NFATC1: variants seen among roughly 807,000 people sequenced by gnomAD.
NFATC1 encodes the protein nuclear factor of activated T-cells, cytoplasmic 1.
A neutral mutation model predicts 76.0 loss-of-function variants in NFATC1; 22 were observed. The ratio of observed to expected loss-of-function variants is 0.29; its 90% CI spans 0.21 to 0.41. The LOEUF (loss-of-function observed/expected upper bound fraction) is 0.41, where lower values mean the gene tolerates loss of function less well. NFATC1 is among the 10% of genes least tolerant of loss of function. The pLI is 1.00. For missense variants in NFATC1, 1,357 were observed against 1,337.7 expected (o/e 1.01, Z -0.23); for synonymous variants, 704 against 613.1 (o/e 1.15, Z -2.19).
intron 1 of NFATC1, among the ~76,000 whole-genome samples, chr18:79,403,743 C>T (rs2085343388): frequency 6.6e-6 from 1 of 152,260 alleles, no homozygotes; most frequent in South Asian, 2.1e-4. Context: ...AAGGCAACAT[C>T]TTATGCAGAA....
chr18:79,524,408 G>T lies in NFATC1; in HGVS notation c.2783-3120G>T, dbSNP rs535023093. 3.9e-5 allele frequency among the ~76,000 whole-genome samples: 6 copies of T among 152,340 alleles called. No individual in the cohort carries two copies. In the South Asian group the frequency reaches 6.2e-4, roughly 16 times the overall value. On this transcript the variant is annotated intron_variant, in intron 9 of 9. Transcript: ENST00000427363. This position sits in a 1 kb window ranked among gnomAD's most constrained non-coding sequence, Gnocchi z 7.2. ...TTCGGTTGCTGTGCTGTCCTCTGCT[G>T]AGTGGTGTCAGGGTTGTCCATCCCG...
chr18:79,434,969 G>A (rs1357255403), intron 3 of NFATC1, among the ~76,000 whole-genome samples: 1 of 152,216 alleles, frequency 6.6e-6, no homozygotes, highest in Non-Finnish European at 1.5e-5. Flanking sequence ...TGGCCCGTTT[G>A]ACATTTAAAG....
intron 7 of NFATC1, among the ~76,000 whole-genome samples, chr18:79,466,368 G>A (rs754505): frequency 0.058 from 8,898 of 152,220 alleles, 325 homozygotes; most frequent in South Asian, 0.13. Context: ...TGCGACTCCC[G>A]CCAACCCTCT....
chr18:79,434,411 G>A (rs2086701917), intron 3 of NFATC1, among the ~76,000 whole-genome samples: 1 of 152,240 alleles, frequency 6.6e-6, no homozygotes, highest in African/African-American at 2.4e-5. Flanking sequence ...CGCCAGGGAC[G>A]GGCAGCGTCT....
At chr18:79,433,838 C>G in intron 3 of NFATC1, 100 bp downstream of exon 3, 1 of 1,424,492 alleles carries the variant, frequency 7.0e-7, no homozygotes, top group Non-Finnish European at 9.4e-7. Context: ...CCCAGCCAGG[C>G]CAGCTGAATG....
intron 9 of NFATC1, among the ~76,000 whole-genome samples, chr18:79,512,539 G>A (rs1188055497): frequency 6.6e-6 from 1 of 152,236 alleles, no homozygotes; most frequent in African/African-American, 2.4e-5. Context: ...CTTGGCAGTT[G>A]TGCGGCTGTG....
intron 8 of NFATC1, among the ~76,000 whole-genome samples, chr18:79,482,822 C>T (rs1411930260): frequency 1.5e-5 from 2 of 134,664 alleles, no homozygotes; most frequent in Non-Finnish European, 1.6e-5. Flanking sequence ...TGACCTGGTC[C>T]GGGGGTGTAA....
At chr18:79,487,537 C>T (rs1032403397) in intron 9 of NFATC1, among the ~76,000 whole-genome samples, 1 of 152,196 alleles carries the variant, frequency 6.6e-6, no homozygotes, top group Non-Finnish European at 1.5e-5. Context: ...GCTCGCACAG[C>T]GCGGAGATGC....
intron 8 of NFATC1, among the ~76,000 whole-genome samples, chr18:79,477,207 G>A (rs2145001049): frequency 6.6e-6 from 1 of 152,324 alleles, no homozygotes; most frequent in East Asian, 1.9e-4. Flanking sequence ...TGTTTATGTT[G>A]ATGGCAAAAC....
At chr18:79,487,726 G>A (rs908107473) in intron 9 of NFATC1, among the ~76,000 whole-genome samples, 3 of 152,244 alleles carry the variant, frequency 2.0e-5, no homozygotes, top group African/African-American at 7.2e-5. Context: ...GCTTGCAGTC[G>A]CGCTGTGATC....
At chr18:79,418,399 G>A (rs948822489) in intron 2 of NFATC1, among the ~76,000 whole-genome samples, 7 of 152,184 alleles carry the variant, frequency 4.6e-5, no homozygotes, top group African/African-American at 1.4e-4. Flanking sequence ...AGACTCCACC[G>A]GTGCTGGGAC....
At chr18:79,447,654 G>A (rs1488741067) in intron 3 of NFATC1, among the ~76,000 whole-genome samples, 1 of 152,210 alleles carries the variant, frequency 6.6e-6, no homozygotes, top group Non-Finnish European at 1.5e-5. Context: ...GGGGCCCTGT[G>A]GGAGGCCCCA....
At chr18:79,470,459 C>T (rs1038615944) in intron 8 of NFATC1, 6 of 152,384 alleles carry the variant, frequency 3.9e-5, no homozygotes, top group African/African-American at 1.2e-4. Flanking sequence ...AACCCACTTA[C>T]ACTCCAGCTG....
At chr18:79,458,680 C>T (rs915788182) in intron 6 of NFATC1, among the ~76,000 whole-genome samples, 8 of 152,238 alleles carry the variant, frequency 5.3e-5, no homozygotes, top group Non-Finnish European at 1.2e-4. Flanking sequence ...ACACAAAGGC[C>T]CTTTCAGGAC....
rs1600621514 is a variant in NFATC1, at chr18:79,411,103, C to G, written c.828C>G (p.Pro276=). The G allele has an allele frequency of 1.9e-6, 3 of 1,612,332 alleles. No individual in the cohort carries two copies. The East Asian group carries it at 6.7e-5, about 36-fold the overall frequency. ...ACAGCCTCAACGGCCGGCAGCCGCCCTACTCACCCCACCACTCGCCCACGC... is the reference window on the plus strand; with the variant it reads ...ACAGCCTCAACGGCCGGCAGCCGCCGTACTCACCCCACCACTCGCCCACGC... ...RKYSLNGRQP[P]YSPHHSPTPS... is the part of the protein sequence containing the mutation. The change falls in exon 2 of 10, where the codon CCC becomes CCG. Residue 276 remains proline, a synonymous_variant. Transcript: ENST00000427363.
At chr18:79,445,689 C>G (rs1201066565) in intron 3 of NFATC1, among the ~76,000 whole-genome samples, 2 of 152,240 alleles carry the variant, frequency 1.3e-5, no homozygotes, top group African/African-American at 4.8e-5. Context: ...CTCGTAGGCC[C>G]TAAATGGATA....
chr18:79,407,040 G>A (rs2085467277), intron 1 of NFATC1, among the ~76,000 whole-genome samples: 1 of 152,248 alleles, frequency 6.6e-6, no homozygotes, highest in Non-Finnish European at 1.5e-5. Context: ...GTGACGCCCA[G>A]GCGGAGCTCT....
chr18:79,499,731 GA>G (rs58061636), intron 9 of NFATC1, among the ~76,000 whole-genome samples: 58 of 152,174 alleles, frequency 3.8e-4, no homozygotes, highest in African/African-American at 1.4e-3. Context: ...GGAGATAATG[GA>G]AAAAATACAT....
intron 1 of NFATC1, among the ~76,000 whole-genome samples, chr18:79,400,093 C>T (rs2085137051): frequency 6.6e-6 from 1 of 151,410 alleles, no homozygotes; most frequent in Non-Finnish European, 1.5e-5. Flanking sequence ...GCCGGGACCC[C>T]CAGGGCACAA....
Sources: allele counts gnomAD v4.1 joint callset (sites outside exome capture counted in the v4.1 genomes callset), GRCh38; gene constraint gnomAD v4.1.1; non-coding constraint Gnocchi (gnomAD v3.1); transcripts MANE v1.5; gene names NCBI Gene and HGNC (gene_info 2026-07-23, HGNC 2026-07-21).